PTPRN2: variants seen among roughly 807,000 people sequenced by gnomAD.
The protein encoded by PTPRN2 is receptor-type tyrosine-protein phosphatase N2.
PTPRN2 carries 74 observed loss-of-function variants against 118.8 expected under a neutral mutation model. The ratio of observed to expected loss-of-function variants is 0.62; its 90% CI spans 0.52 to 0.76. The LOEUF (loss-of-function observed/expected upper bound fraction) is 0.76. PTPRN2 is among the 30% of genes least tolerant of loss of function. PTPRN2 has a pLI of 0.00. For missense variants in PTPRN2, 1,481 were observed against 1,394.4 expected (o/e 1.06, Z -0.99); for synonymous variants, 641 against 608.0 (o/e 1.05, Z -0.80).
At position 157,874,608 on chromosome 7, in the gene PTPRN2, G is replaced by A. The variant is rs1235365928; in HGVS notation, c.1788+24065C>T. ...CTACTCGCTCCACAGACAGCTCCCG[G>A]GGTCCGGGGAGAAGCGGAGGGGGGC... On this transcript the variant is annotated intron_variant, in intron 12 of 22. Coordinates refer to ENST00000389418, the MANE Select transcript of PTPRN2 (RefSeq NM_002847.5). The surrounding 1 kb of genome is among the most constrained non-coding windows in gnomAD (Gnocchi z 5.8). Among the ~76,000 whole-genome samples the A allele has an allele frequency of 6.6e-6, 1 of 152,208 alleles. No homozygotes were observed. The highest frequency in any genetic ancestry group is 2.4e-5 in the African/African-American group (1 of 41,446).
chr7:158,357,956 C>G (rs1488478378), intron 2 of PTPRN2, among the ~76,000 whole-genome samples: 1 of 152,238 alleles, frequency 6.6e-6, no homozygotes, highest in African/African-American at 2.4e-5. Context: ...TGGGGCTCCT[C>G]CCCTCCCCTT....
At chr7:157,707,196 C>T (rs893169223) in intron 12 of PTPRN2, among the ~76,000 whole-genome samples, 37 of 84,018 alleles carry the variant, frequency 4.4e-4, no homozygotes, top group Admixed American at 1.2e-3. Flanking sequence ...ACAGCATACA[C>T]GCACACACAC....
At chr7:158,324,098 T>C (rs556422135) in intron 2 of PTPRN2, among the ~76,000 whole-genome samples, 93 of 152,080 alleles carry the variant, frequency 6.1e-4, no homozygotes, top group Admixed American at 2.9e-3. Context: ...CTAACTCATA[T>C]ACAGGTGCAC....
At chr7:158,341,943 TA>T (rs1411303291) in intron 2 of PTPRN2, among the ~76,000 whole-genome samples, 13 of 124,930 alleles carry the variant, frequency 1.0e-4, no homozygotes, top group South Asian at 2.7e-4. Flanking sequence ...ATTCTCACCA[TA>T]AGAGCTGTCG....
At chr7:157,568,429 T>C (rs1338939186) in intron 21 of PTPRN2, among the ~76,000 whole-genome samples, 1 of 152,226 alleles carries the variant, frequency 6.6e-6, no homozygotes, top group African/African-American at 2.4e-5. Context: ...TGACATTTGA[T>C]GGCAATTACT....
chr7:158,455,264 G>A (rs1267296239), intron 2 of PTPRN2, among the ~76,000 whole-genome samples: 7 of 123,568 alleles, frequency 5.7e-5, no homozygotes, highest in Non-Finnish European at 1.2e-4. Context: ...GGACGCCATC[G>A]GCCACGGCCA....
intron 4 of PTPRN2, among the ~76,000 whole-genome samples, chr7:158,195,821 T>G (rs1439281776): frequency 6.6e-6 from 1 of 152,208 alleles, no homozygotes; most frequent in Non-Finnish European, 1.5e-5. Context: ...CCTGCTCCTT[T>G]TCATGCCAGA....
intron 3 of PTPRN2, among the ~76,000 whole-genome samples, chr7:158,263,802 G>T (rs1797697713): frequency 6.6e-6 from 1 of 152,182 alleles, no homozygotes; most frequent in Non-Finnish European, 1.5e-5. Context: ...ACACCTCCCT[G>T]CATGGGACAC....
chr7:158,506,779 G>A (rs1330425696), intron 1 of PTPRN2, among the ~76,000 whole-genome samples: 4 of 150,352 alleles, frequency 2.7e-5, no homozygotes, highest in African/African-American at 4.9e-5. Context: ...GGGGGCCTCC[G>A]AAGGCCTGGG....
At chr7:158,489,983 C>T (rs1275857468) in intron 1 of PTPRN2, among the ~76,000 whole-genome samples, 198 bp from the exon 2 acceptor site, 1 of 152,240 alleles carries the variant, frequency 6.6e-6, no homozygotes, top group Non-Finnish European at 1.5e-5. Context: ...TGCGAGGCCT[C>T]CTGGCCTAGT....
At chr7:158,441,432 G>A (rs1392282546) in intron 2 of PTPRN2, among the ~76,000 whole-genome samples, 11 of 148,998 alleles carry the variant, frequency 7.4e-5, no homozygotes, top group South Asian at 6.4e-4. Flanking sequence ...TGATAGTGAT[G>A]GTGATGGCAG....
At chr7:158,296,335 C>T (rs1159876975) in intron 3 of PTPRN2, among the ~76,000 whole-genome samples, 3 of 152,138 alleles carry the variant, frequency 2.0e-5, no homozygotes, top group East Asian at 1.9e-4. Context: ...GGCTGCTGAG[C>T]GGCCCGACTC....
intron 2 of PTPRN2, among the ~76,000 whole-genome samples, chr7:158,341,153 T>C (rs62493626): frequency 0.63 from 24,077 of 38,342 alleles, 8,566 homozygotes; most frequent in Non-Finnish European, 0.69. Flanking sequence ...CCATAAGAGC[T>C]GACGCCCGCA....
intron 2 of PTPRN2, among the ~76,000 whole-genome samples, chr7:158,352,926 G>A (rs1382715701): frequency 6.6e-6 from 1 of 152,228 alleles, no homozygotes; most frequent in Non-Finnish European, 1.5e-5. Context: ...CCGCACCAGG[G>A]CCTGCACCAG....
rs1463797193 is a variant in PTPRN2, at chr7:158,570,676, C to T, written c.112+16882G>A. Among the ~76,000 whole-genome samples, 1 of 152,232 alleles carries T rather than the reference C, an allele frequency of 6.6e-6. No homozygotes were observed. Among genetic ancestry groups the T allele is most frequent in the Admixed American group, 6.5e-5 (1 of 15,286 alleles). On this transcript the variant is annotated intron_variant, in intron 1 of 22. Transcript: ENST00000389418. The surrounding 1 kb of genome is among the most constrained non-coding windows in gnomAD (Gnocchi z 4.5). ...GTGTCTCCGCCGTAACACGTGTATA[C>T]CGGCTCAGCACGCGGCTGGGTACGG...
At position 157,590,702 on chromosome 7, in the gene PTPRN2, G is replaced by A. The variant is rs1451745919; in HGVS notation, c.2496+4536C>T. ...GCCATGCTGGGGGAGAGGCTGGTGA[G>A]CATGGAGTGACCTCGATGCCCCATG... On this transcript the variant is annotated intron_variant, in intron 17 of 22. Coordinates refer to ENST00000389418, the MANE Select transcript of PTPRN2 (RefSeq NM_002847.5). The surrounding 1 kb of genome is among the most constrained non-coding windows in gnomAD (Gnocchi z 4.0). Among the ~76,000 whole-genome samples the A allele has an allele frequency of 6.6e-6, 1 of 152,088 alleles. No individual in the cohort carries two copies. Among genetic ancestry groups the A allele is most frequent in the Non-Finnish European group, 1.5e-5 (1 of 68,026 alleles).
At chr7:158,372,838 C>T (rs1332771340) in intron 2 of PTPRN2, among the ~76,000 whole-genome samples, 1 of 152,210 alleles carries the variant, frequency 6.6e-6, no homozygotes, top group Admixed American at 6.5e-5. Flanking sequence ...AAAAGGCATG[C>T]ATAGTCCTGA....
chr7:158,002,922 A>G (rs1230774225), intron 11 of PTPRN2, among the ~76,000 whole-genome samples: 1 of 152,110 alleles, frequency 6.6e-6, no homozygotes, highest in Non-Finnish European at 1.5e-5. Context: ...CAGGAGATGG[A>G]GTGCCCTGGT....
At chr7:158,345,293 G>A (rs1431200702) in intron 2 of PTPRN2, among the ~76,000 whole-genome samples, 3 of 152,186 alleles carry the variant, frequency 2.0e-5, no homozygotes, top group African/African-American at 2.4e-5. Context: ...GGGAAGACAG[G>A]TTTTTTGTCT....
Sources: allele counts gnomAD v4.1 joint callset (sites outside exome capture counted in the v4.1 genomes callset), GRCh38; gene constraint gnomAD v4.1.1; non-coding constraint Gnocchi (gnomAD v3.1); transcripts MANE v1.5; gene names NCBI Gene and HGNC (gene_info 2026-07-23, HGNC 2026-07-21).